The following RAI1 variants were observed in gnomAD, a reference collection of about 807,000 sequenced individuals.
RAI1 encodes the protein retinoic acid-induced protein 1.
In RAI1, 9 loss-of-function variants were observed where a neutral mutation model predicts 123.8. The observed-to-expected ratio is 0.07, with a 90% confidence interval of 0.04 to 0.13. The LOEUF is 0.13. Among genes scored for constraint, RAI1 ranks in the 10% least tolerant of loss-of-function variants. The probability of loss-of-function intolerance (pLI) is 1.00; values close to 1 mark genes in which losing one functional copy is unlikely to be tolerated. For missense variants in RAI1, 2,256 were observed against 2,545.8 expected, an observed-to-expected ratio of 0.89 and a Z score of 2.45; for synonymous variants, 1,231 against 1,127.3, an observed-to-expected ratio of 1.09 and a Z score of -1.84.
intron 1 of RAI1, among the ~76,000 whole-genome samples, chr17:17,697,181 C>T (rs549180850): frequency 5.9e-5 from 9 of 152,314 alleles, no homozygotes; most frequent in South Asian, 4.1e-4. Context: ...TTGCCAGGGA[C>T]GGTTTGGCAT....
intron 3 of RAI1, among the ~76,000 whole-genome samples, chr17:17,798,847 A>T (rs2032361099): frequency 6.6e-6 from 1 of 152,142 alleles, no homozygotes; most frequent in Non-Finnish European, 1.5e-5. Flanking sequence ...GTCACCGGAG[A>T]TGCCAAGGCC....
Position 17,785,593 on chromosome 17 carries a change from C to A in RAI1, c.-16-7340C>A, listed in dbSNP as rs138328306. On this transcript the variant is annotated intron_variant, in intron 2 of 5. Transcript: ENST00000353383. ...AGGAGAGTTGGGGTGGCGCCTCGCC[C>A]GGTGTCTGGTGTGGAATGCCACAGA... 8.5e-5 allele frequency among the ~76,000 whole-genome samples: 13 copies of A among 152,192 alleles called. 1 individual carries two copies. Among genetic ancestry groups the A allele is most frequent in the Admixed American group, 7.2e-4 (11 of 15,280 alleles).
chr17:17,719,138 C>T (rs766393940), intron 1 of RAI1, among the ~76,000 whole-genome samples: 37 of 152,182 alleles, frequency 2.4e-4, no homozygotes, highest in Admixed American at 3.9e-4. Context: ...TGCTCCTGCC[C>T]TGGCCCCACA....
chr17:17,790,781 T>G (rs1420401927), intron 2 of RAI1, among the ~76,000 whole-genome samples: 1 of 152,198 alleles, frequency 6.6e-6, no homozygotes, highest in Non-Finnish European at 1.5e-5. Flanking sequence ...TCTGGGCTCA[T>G]AAACATGCGC....
chr17:17,748,019 G>A (rs769448014), intron 2 of RAI1, among the ~76,000 whole-genome samples: 15 of 152,224 alleles, frequency 9.9e-5, no homozygotes, highest in Non-Finnish European at 1.8e-4. Context: ...AGCTGTGATC[G>A]TGCGACTGCA....
At chr17:17,721,205 C>T (rs1915870539) in intron 1 of RAI1, among the ~76,000 whole-genome samples, 1 of 152,150 alleles carries the variant, frequency 6.6e-6, no homozygotes, top group South Asian at 2.1e-4. Context: ...GAACTGTTGG[C>T]TCAAAGAAGA....
chr17:17,717,092 T>C (rs902646318), intron 1 of RAI1, among the ~76,000 whole-genome samples: 1 of 152,016 alleles, frequency 6.6e-6, no homozygotes, highest in Non-Finnish European at 1.5e-5. Context: ...GTTGCTGGGA[T>C]TGGGGAGGGA....
chr17:17,713,438 G>A (rs1448580923), intron 1 of RAI1, among the ~76,000 whole-genome samples: 1 of 152,090 alleles, frequency 6.6e-6, no homozygotes, highest in African/African-American at 2.4e-5. Context: ...TCAGGGGTTC[G>A]AGACCAGCCT....
chr17:17,755,804 C>A (rs2030416005), intron 2 of RAI1, among the ~76,000 whole-genome samples: 1 of 152,176 alleles, frequency 6.6e-6, no homozygotes, highest in Non-Finnish European at 1.5e-5. Context: ...TCAGACCCGG[C>A]CTACACCCTG....
At chr17:17,778,399 A>T (rs909089577) in intron 2 of RAI1, 5 of 259,916 alleles carry the variant, frequency 1.9e-5, no homozygotes, top group Non-Finnish European at 3.8e-5. Context: ...TACCAAGCAC[A>T]TTATCCCATT....
chr17:17,803,158 G>A (rs1295293091), intron 3 of RAI1, among the ~76,000 whole-genome samples: 3 of 151,032 alleles, frequency 2.0e-5, no homozygotes, highest in African/African-American at 7.3e-5. Context: ...CCAGAAGCAT[G>A]CAGCAGATGC....
intron 1 of RAI1, among the ~76,000 whole-genome samples, chr17:17,702,226 A>C (rs1915246336): frequency 6.6e-6 from 1 of 152,228 alleles, no homozygotes; most frequent in Non-Finnish European, 1.5e-5. Context: ...GTGTGGAGGC[A>C]TGAGGCTGGA....
Position 17,810,954 on chromosome 17 carries a change from G to T in RAI1, c.*973G>T. Reference sequence around the variant, plus strand: ...ATGTATATATGTTGGGAACATGCTCGCTTCTCCCGTGTGTCGCCGCCGTGC... The same window carrying T: ...ATGTATATATGTTGGGAACATGCTCTCTTCTCCCGTGTGTCGCCGCCGTGC... On this transcript the variant is annotated 3_prime_UTR_variant, in exon 6 of 6. Coordinates refer to ENST00000353383, the MANE Select transcript of RAI1 (RefSeq NM_030665.4). The surrounding 1 kb of genome is among the most constrained non-coding windows in gnomAD (Gnocchi z 4.6). 1 of 325,896 alleles carries T rather than the reference G, an allele frequency of 3.1e-6. No homozygotes were observed. The highest frequency in any genetic ancestry group is 1.2e-4 in the East Asian group (1 of 8,488). 20.2% of individuals were successfully genotyped at this position (325,896 alleles called of 1,614,324 possible).
At chr17:17,788,974 C>T (rs1363807111) in intron 2 of RAI1, among the ~76,000 whole-genome samples, 2 of 152,230 alleles carry the variant, frequency 1.3e-5, no homozygotes, top group African/African-American at 2.4e-5. Context: ...GTGACCATCA[C>T]TGCCCATTAG....
chr17:17,810,531 G>C lies in RAI1; in HGVS notation c.*550G>C. ...AGGAAGCCTTTCTGAGAGCGGGCTAGGCCGGCACTGGAGAGGCCGGAGCCT... is the reference window on the plus strand; with the variant it reads ...AGGAAGCCTTTCTGAGAGCGGGCTACGCCGGCACTGGAGAGGCCGGAGCCT... On this transcript the variant is annotated 3_prime_UTR_variant, in exon 6 of 6. Transcript: ENST00000353383. The surrounding 1 kb of genome is among the most constrained non-coding windows in gnomAD (Gnocchi z 4.6). 3.5e-6 allele frequency: 1 copy of C among 284,338 alleles called. No individual in the cohort carries two copies. The highest frequency in any genetic ancestry group is 2.8e-5 in the South Asian group (1 of 35,898). The allele number at this position is 284,338 out of a possible 1,614,324, so 17.6% of individuals were successfully genotyped here. A position where few individuals can be genotyped will look rare whatever the true frequency, so the allele number is the denominator to read the frequency against.
At chr17:17,754,319 C>T (rs1024402271) in intron 2 of RAI1, among the ~76,000 whole-genome samples, 1 of 151,212 alleles carries the variant, frequency 6.6e-6, no homozygotes, top group Non-Finnish European at 1.5e-5. Context: ...GTTCTCCTGC[C>T]TCAGCCCCCC....
rs551598433 is a variant in RAI1, at chr17:17,775,789, G to A, written c.-16-17144G>A. On this transcript the variant is annotated intron_variant, in intron 2 of 5. Coordinates refer to ENST00000353383, the MANE Select transcript of RAI1 (RefSeq NM_030665.4). ...GGCAGGAGAGGCAGGCACACTCGGT[G>A]TAACCTTTTGAAAAAACTATCTTGG... Among the ~76,000 whole-genome samples, 57 of 152,274 alleles carry A rather than the reference G, an allele frequency of 3.7e-4. No homozygotes were observed. The Middle Eastern group carries it at 0.02, about 55-fold the overall frequency.
rs536669215 is a variant in RAI1 at position 17,695,276 on chromosome 17, C to G, written c.-149+13483C>G. 4.6e-5 allele frequency among the ~76,000 whole-genome samples: 7 copies of G among 152,330 alleles called. No individual in the cohort carries two copies. In the South Asian group the frequency reaches 1.5e-3, roughly 32 times the overall value. Reference sequence around the variant, plus strand: ...CCGGGACTGCACACCTCACCCGGTCCAGGCCTGGACCCTGCAACCTCGGCC... The same window carrying G: ...CCGGGACTGCACACCTCACCCGGTCGAGGCCTGGACCCTGCAACCTCGGCC... On this transcript the variant is annotated intron_variant, in intron 1 of 5. Transcript: ENST00000353383.
chr17:17,793,479 G>A lies in RAI1; in HGVS notation c.531G>A (p.Pro177=), dbSNP rs148993070. ...ACTCCCTGCACGTCCAGCAGCCACC[G>A]CCGCCCCAGCAGCCCCTGGCATACC... ...RTHSLHVQQP[P]PPQQPLAYPK... is the part of the protein sequence containing the mutation. Residue 177 remains proline (P), a synonymous_variant, in exon 3 of 6, where the codon CCG becomes CCA. Transcript: ENST00000353383. The A allele has an allele frequency of 1.7e-4, 267 of 1,613,844 alleles. 1 individual carries two copies. In the East Asian group the frequency reaches 5.7e-3, roughly 35 times the overall value.
Sources: gnomAD v4.1 joint callset for allele counts (sites outside exome capture counted in the v4.1 genomes callset) on GRCh38, gnomAD v4.1.1 for gene constraint, Gnocchi (gnomAD v3.1) non-coding constraint, MANE v1.5 for transcripts, NCBI Gene and HGNC (gene_info 2026-07-23, HGNC 2026-07-21) for gene names.